Variants in PPARGC1A observed in about 807,000 individuals in gnomAD.
PPARGC1A encodes PPARG coactivator 1 alpha.
PPARGC1A carries 25 observed loss-of-function variants against 88.7 expected under a neutral mutation model. The ratio of observed to expected loss-of-function variants is 0.28; its 90% CI spans 0.21 to 0.39. PPARGC1A has a LOEUF of 0.39. PPARGC1A is among the 10% of genes least tolerant of loss of function. The pLI is 1.00. For missense variants in PPARGC1A, 880 were observed against 968.7 expected (o/e 0.91, Z 1.22); for synonymous variants, 363 against 355.6 (o/e 1.02, Z -0.24).
At chr4:24,156,744 T>TC in the PPARGC1A span, among the ~76,000 whole-genome samples, 16 of 151,906 alleles carry the variant, frequency 1.1e-4, no homozygotes, top group African/African-American at 3.9e-4. Context: ...CTCTTTTTTT[T>TC]TTTTTTTTAA....
chr4:24,282,415 T>C, the PPARGC1A span, among the ~76,000 whole-genome samples: 52,167 of 152,056 alleles, frequency 0.34, 9,329 homozygotes, highest in Admixed American at 0.45. Context: ...GAGTGTGTGG[T>C]TTTTGTTGCC....
the PPARGC1A span, among the ~76,000 whole-genome samples, chr4:24,393,649 C>G: frequency 6.6e-6 from 1 of 152,324 alleles, no homozygotes; most frequent in African/African-American, 2.4e-5. Flanking sequence ...GGCAAACACA[C>G]AGAGAAGTGA....
At chr4:23,939,174 C>T in the PPARGC1A span, among the ~76,000 whole-genome samples, 1 of 152,122 alleles carries the variant, frequency 6.6e-6, no homozygotes, top group African/African-American at 2.4e-5. Flanking sequence ...TTTTAGTACT[C>T]AAATCAATGG....
At chr4:24,016,140 T>C in the PPARGC1A span, among the ~76,000 whole-genome samples, 5 of 152,204 alleles carry the variant, frequency 3.3e-5, no homozygotes, top group South Asian at 1.0e-3. Context: ...AGTTTGTAAA[T>C]GCTCTGAAAA....
chr4:24,434,243 C>A, the PPARGC1A span, among the ~76,000 whole-genome samples: 1 of 152,168 alleles, frequency 6.6e-6, no homozygotes, highest in Non-Finnish European at 1.5e-5. Flanking sequence ...TGATGAGGCC[C>A]CCTCAGGAAA....
Position 23,814,056 on chromosome 4 carries a change from T to C in PPARGC1A, c.1427A>G (p.Asp476Gly). Reference sequence around the variant, plus strand: ...CAGTTCACCGGTCTTGTCTGCTTCGTCGTCAAAAACAGCTTGACTGGGATG... The same window carrying C: ...CAGTTCACCGGTCTTGTCTGCTTCGCCGTCAAAAACAGCTTGACTGGGATG... ...FGHPSQAVFD[D>G]EADKTGELRD... Residue 476 changes from aspartate (D) to glycine (G), a missense_variant, in exon 8 of 13, where the codon GAC (aspartate) becomes GGC (glycine). Asp to Gly is a moderately conservative substitution (Grantham distance 94). Coordinates refer to ENST00000264867, the MANE Select transcript of PPARGC1A (RefSeq NM_013261.5). 6.2e-7 allele frequency: 1 copy of C among 1,614,048 alleles called. No homozygotes were observed. Among genetic ancestry groups the C allele is most frequent in the Non-Finnish European group, 8.5e-7 (1 of 1,179,954 alleles).
the PPARGC1A span, among the ~76,000 whole-genome samples, chr4:24,083,779 T>G: frequency 6.6e-6 from 1 of 152,186 alleles, no homozygotes; most frequent in Non-Finnish European, 1.5e-5. Context: ...GCACTGGAAT[T>G]GTAAATAGTT....
chr4:24,226,981 G>A, the PPARGC1A span, among the ~76,000 whole-genome samples: 1 of 152,134 alleles, frequency 6.6e-6, no homozygotes, highest in Non-Finnish European at 1.5e-5. Context: ...CCCTATCTTG[G>A]CTCTCTGTTA....
At chr4:24,130,204 G>A in the PPARGC1A span, among the ~76,000 whole-genome samples, 1 of 152,126 alleles carries the variant, frequency 6.6e-6, no homozygotes, top group Non-Finnish European at 1.5e-5. Flanking sequence ...GCAATGCTCA[G>A]GGGACTGGAT....
chr4:24,111,371 C>T, the PPARGC1A span, among the ~76,000 whole-genome samples: 1 of 152,182 alleles, frequency 6.6e-6, no homozygotes, highest in South Asian at 2.1e-4. Context: ...ATTATATACA[C>T]ATAGCTAGTA....
the PPARGC1A span, among the ~76,000 whole-genome samples, chr4:24,450,031 G>T: frequency 6.6e-6 from 1 of 152,292 alleles, no homozygotes; most frequent in Non-Finnish European, 1.5e-5. Context: ...AGAGCATAGG[G>T]CTTCTCAACA....
chr4:24,286,825 A>G, the PPARGC1A span, among the ~76,000 whole-genome samples: 1 of 152,156 alleles, frequency 6.6e-6, no homozygotes, highest in Non-Finnish European at 1.5e-5. Flanking sequence ...GTCTCCCACA[A>G]GAAGGCTACA....
chr4:24,162,418 G>A, the PPARGC1A span, among the ~76,000 whole-genome samples: 2 of 152,078 alleles, frequency 1.3e-5, no homozygotes, highest in Admixed American at 6.6e-5. Context: ...GCTGATCTGA[G>A]TATGTACTCC....
At chr4:24,371,051 T>C in the PPARGC1A span, among the ~76,000 whole-genome samples, 1 of 152,064 alleles carries the variant, frequency 6.6e-6, no homozygotes, top group African/African-American at 2.4e-5. Context: ...CGTTCCTGTG[T>C]TAGTTTGCTG....
the PPARGC1A span, among the ~76,000 whole-genome samples, chr4:24,083,155 G>C: frequency 6.6e-6 from 1 of 152,092 alleles, no homozygotes. Context: ...GAGAGAAATA[G>C]GCAAATGAGC....
the PPARGC1A span, among the ~76,000 whole-genome samples, chr4:24,455,373 C>T: frequency 1.5e-4 from 23 of 152,236 alleles, no homozygotes; most frequent in African/African-American, 5.5e-4. Flanking sequence ...CCTAGATATT[C>T]GAGAGGCTGA....
chr4:24,261,299 C>CT, the PPARGC1A span, among the ~76,000 whole-genome samples: 1 of 152,200 alleles, frequency 6.6e-6, no homozygotes, highest in Non-Finnish European at 1.5e-5. Context: ...CCTGGCACTC[C>CT]TTCTCCCTCA....
the PPARGC1A span, among the ~76,000 whole-genome samples, chr4:24,105,186 G>A: frequency 7.2e-5 from 11 of 152,306 alleles, no homozygotes; most frequent in African/African-American, 2.4e-4. Flanking sequence ...AAGATAGTGT[G>A]GACTTTGCTT....
chr4:24,403,808 C>T, the PPARGC1A span, among the ~76,000 whole-genome samples: 1 of 152,116 alleles, frequency 6.6e-6, no homozygotes, highest in East Asian at 1.9e-4. Flanking sequence ...AAACCTTGAT[C>T]ATCTCTCTCT....
Sources: gnomAD v4.1 joint callset for allele counts (sites outside exome capture counted in the v4.1 genomes callset) on GRCh38, gnomAD v4.1.1 for gene constraint, MANE v1.5 for transcripts, NCBI Gene and HGNC (gene_info 2026-07-23, HGNC 2026-07-21) for gene names.